The following MAP2K6 variants were observed in gnomAD, a reference collection of about 807,000 sequenced individuals.
MAP2K6 encodes the protein mitogen-activated protein kinase kinase 6, also known as dual specificity mitogen-activated protein kinase kinase 6.
In MAP2K6, 16 loss-of-function variants were observed where a neutral mutation model predicts 53.7. The ratio of observed to expected loss-of-function variants is 0.30; its 90% CI spans 0.20 to 0.45. MAP2K6 has a LOEUF of 0.45. Among genes scored for constraint, MAP2K6 ranks in the 20% least tolerant of loss-of-function variants. The probability of loss-of-function intolerance (pLI) is 1.00; values close to 1 mark genes in which losing one functional copy is unlikely to be tolerated. For synonymous variants in MAP2K6, 132 were observed against 143.1 expected (o/e 0.92, Z 0.55); for missense variants, 204 against 411.9 (o/e 0.50, Z 4.37).
intron 2 of MAP2K6, among the ~76,000 whole-genome samples, chr17:69,508,231 C>A (rs12940775): frequency 6.9e-6 from 1 of 144,128 alleles, no homozygotes; most frequent in African/African-American, 2.5e-5. Context: ...TTTTTTTTTT[C>A]TTTTTTTGGT....
intron 1 of MAP2K6, among the ~76,000 whole-genome samples, chr17:69,475,315 C>T (rs901017908): frequency 2.7e-5 from 4 of 150,360 alleles, no homozygotes; most frequent in Non-Finnish European, 4.4e-5. Context: ...ACTACAGGCG[C>T]CCGCCAACAC....
intron 1 of MAP2K6, among the ~76,000 whole-genome samples, chr17:69,476,117 T>C (rs959549885): frequency 6.6e-6 from 1 of 152,176 alleles, no homozygotes; most frequent in African/African-American, 2.4e-5. Flanking sequence ...TGAATGCATA[T>C]ATGTGTGTTT....
chr17:69,516,986 C>G, intron 3 of MAP2K6, 83 bp downstream of exon 3: 1 of 1,138,768 alleles, frequency 8.8e-7, no homozygotes. Flanking sequence ...TTTTCCCTAG[C>G]ATGCTGTCAG....
chr17:69,479,714 T>A (rs2145190172), intron 1 of MAP2K6, among the ~76,000 whole-genome samples: 1 of 149,968 alleles, frequency 6.7e-6, no homozygotes. Flanking sequence ...ACTTTTCCTT[T>A]TGTTCTTTTT....
chr17:69,415,050 A>G (rs201009379), intron 1 of MAP2K6, 50 bp downstream of exon 1: 380 of 1,500,396 alleles, frequency 2.5e-4, no homozygotes, highest in Non-Finnish European at 3.3e-4. Flanking sequence ...TTGTGCATGC[A>G]TTTATGAATG....
At chr17:69,502,409 G>C (rs1909215144) in intron 1 of MAP2K6, 1 of 985,348 alleles carries the variant, frequency 1.0e-6, no homozygotes. Flanking sequence ...CTCTGTCAGA[G>C]ATGGGCAAGT....
chr17:69,532,324 A>G (rs1475711631), intron 10 of MAP2K6, among the ~76,000 whole-genome samples: 1 of 152,206 alleles, frequency 6.6e-6, no homozygotes, highest in Non-Finnish European at 1.5e-5. Flanking sequence ...TGATCGGGGG[A>G]ATTCAAATAG....
chr17:69,438,555 TG>T (rs1362673709), intron 1 of MAP2K6, among the ~76,000 whole-genome samples: 2 of 152,162 alleles, frequency 1.3e-5, no homozygotes, highest in Non-Finnish European at 2.9e-5. Context: ...TGCATTTTTT[TG>T]TACATCCTCT....
intron 1 of MAP2K6, among the ~76,000 whole-genome samples, chr17:69,500,214 C>T (rs1044712537): frequency 3.3e-5 from 5 of 151,458 alleles, no homozygotes; most frequent in African/African-American, 9.7e-5. Context: ...CTAAGGCGGG[C>T]GGATAACCTG....
chr17:69,509,693 C>A (rs1909709532), intron 2 of MAP2K6, among the ~76,000 whole-genome samples: 1 of 152,118 alleles, frequency 6.6e-6, no homozygotes, highest in Admixed American at 6.5e-5. Flanking sequence ...GGCAAACTTG[C>A]TTTGTTCCTC....
rs760769463 is a variant in MAP2K6 at position 69,546,879 on chromosome 17, G to A, written c.*5126G>A. On this transcript the variant is annotated 3_prime_UTR_variant, in exon 12 of 12. Coordinates refer to ENST00000590474, the MANE Select transcript of MAP2K6 (RefSeq NM_002758.4). Reference sequence around the variant, plus strand: ...TTTTTTTTAACTTTTCAAATGGAAGGTGCAGTTTTCAATTAGGCCTCTGAA... The same window carrying A: ...TTTTTTTTAACTTTTCAAATGGAAGATGCAGTTTTCAATTAGGCCTCTGAA... 3.3e-5 allele frequency: 5 copies of A among 151,566 alleles called. No individual in the cohort carries two copies. The highest frequency in any genetic ancestry group is 5.9e-5 in the Non-Finnish European group (4 of 67,948). 9.4% of individuals were successfully genotyped at this position (151,566 alleles called of 1,614,324 possible). A position where few individuals can be genotyped will look rare whatever the true frequency, so the allele number is the denominator to read the frequency against.
At chr17:69,468,103 C>G (rs888062050) in intron 1 of MAP2K6, among the ~76,000 whole-genome samples, 1 of 152,178 alleles carries the variant, frequency 6.6e-6, no homozygotes, top group African/African-American at 2.4e-5. Flanking sequence ...GAATCTTAAC[C>G]TGTTTCAGCC....
chr17:69,468,050 G>A (rs1907871369), intron 1 of MAP2K6, among the ~76,000 whole-genome samples: 1 of 152,230 alleles, frequency 6.6e-6, no homozygotes, highest in African/African-American at 2.4e-5. Flanking sequence ...ACAGGCATGA[G>A]CCATCACAAC....
At chr17:69,456,749 T>C (rs559435501) in intron 1 of MAP2K6, among the ~76,000 whole-genome samples, 2 of 152,320 alleles carry the variant, frequency 1.3e-5, no homozygotes, top group South Asian at 4.1e-4. Flanking sequence ...ATTGCTTTCT[T>C]GTGGGTATTG....
At chr17:69,536,674 A>T (rs1228180756) in intron 11 of MAP2K6, among the ~76,000 whole-genome samples, 1 of 152,220 alleles carries the variant, frequency 6.6e-6, no homozygotes, top group Non-Finnish European at 1.5e-5. Context: ...AGTTTAAATT[A>T]TACTCCCTCA....
intron 1 of MAP2K6, among the ~76,000 whole-genome samples, chr17:69,420,660 G>A (rs1217604672): frequency 6.6e-6 from 1 of 152,216 alleles, no homozygotes; most frequent in Non-Finnish European, 1.5e-5. Flanking sequence ...ACAGGGAGAA[G>A]TCAGATCTAC....
At chr17:69,531,836 T>C (rs1400987098) in intron 10 of MAP2K6, among the ~76,000 whole-genome samples, 2 of 152,198 alleles carry the variant, frequency 1.3e-5, no homozygotes, top group Admixed American at 1.3e-4. Context: ...GTGTTGACCA[T>C]GTCAGCCTTG....
intron 1 of MAP2K6, among the ~76,000 whole-genome samples, chr17:69,493,376 C>T (rs1302623936): frequency 6.6e-6 from 1 of 151,708 alleles, no homozygotes; most frequent in Non-Finnish European, 1.5e-5. Context: ...ACAAAGAAAA[C>T]AATAATAATA....
At chr17:69,422,554 T>G (rs959462550) in intron 1 of MAP2K6, among the ~76,000 whole-genome samples, 2 of 152,220 alleles carry the variant, frequency 1.3e-5, no homozygotes, top group East Asian at 3.8e-4. Flanking sequence ...TTCTTGAGAT[T>G]AGTCTTCTTT....
Sources: gnomAD v4.1 joint callset for allele counts (sites outside exome capture counted in the v4.1 genomes callset) on GRCh38, gnomAD v4.1.1 for gene constraint, MANE v1.5 for transcripts, NCBI Gene and HGNC (gene_info 2026-07-23, HGNC 2026-07-21) for gene names.